The following RIC3 variants were observed in gnomAD, a reference collection of about 807,000 sequenced individuals.
RIC3 encodes RIC3 acetylcholine receptor chaperone, also known as protein RIC-3.
RIC3 carries 28 observed loss-of-function variants against 27.3 expected under a neutral mutation model. The ratio of observed to expected loss-of-function variants is 1.02; its 90% CI spans 0.76 to 1.41. The LOEUF is 1.41. Ranked by LOEUF, RIC3 falls within the 40% of genes most tolerant of loss-of-function variation. The pLI is 0.00. For missense variants in RIC3, 501 were observed against 444.7 expected (o/e 1.13, Z -1.14); for synonymous variants, 184 against 160.4 (o/e 1.15, Z -1.11).
At chr11:8,146,378 C>T (rs913653111) in intron 1 of RIC3, among the ~76,000 whole-genome samples, 1 of 152,146 alleles carries the variant, frequency 6.6e-6, no homozygotes, top group African/African-American at 2.4e-5. Flanking sequence ...AACATAAACA[C>T]ATCAGAGTAG....
intron 1 of RIC3, among the ~76,000 whole-genome samples, chr11:8,145,541 A>C (rs1186694056): frequency 2.0e-5 from 3 of 152,312 alleles, no homozygotes; most frequent in Admixed American, 2.0e-4. Context: ...ATCTCTTTCC[A>C]ATCAGCTATA....
the RIC3 span, chr11:8,095,348 G>A: frequency 6.9e-6 from 5 of 723,406 alleles, no homozygotes; most frequent in African/African-American, 8.9e-5. Context: ...ACAGGCTGGT[G>A]CAATCATTAG....
chr11:8,153,257 A>T, intron 1 of RIC3: 1 of 327,396 alleles, frequency 3.1e-6, no homozygotes, highest in Non-Finnish European at 5.9e-6. Context: ...TGAGCACTTA[A>T]CAATGTGACA....
At chr11:8,117,659 G>T (rs564911413) in intron 5 of RIC3, among the ~76,000 whole-genome samples, 2 of 152,260 alleles carry the variant, frequency 1.3e-5, no homozygotes, top group African/African-American at 4.8e-5. Context: ...ACAGTATGTT[G>T]TATATTTGAA....
intron 1 of RIC3, among the ~76,000 whole-genome samples, chr11:8,167,023 T>G (rs1167559819): frequency 6.6e-6 from 1 of 152,184 alleles, no homozygotes; most frequent in Admixed American, 6.5e-5. Context: ...ATGGTTAAGA[T>G]TTTTTGCTGC....
intron 4 of RIC3, among the ~76,000 whole-genome samples, chr11:8,127,257 T>C (rs973477422): frequency 2.6e-5 from 4 of 152,232 alleles, no homozygotes; most frequent in African/African-American, 9.6e-5. Context: ...GGAAAATTTA[T>C]GCTACTAGAA....
the RIC3 span, chr11:8,097,620 C>T: frequency 7.5e-7 from 1 of 1,327,514 alleles, no homozygotes; most frequent in East Asian, 2.3e-5. Flanking sequence ...CGTTTGGGAG[C>T]TGACGCAACG....
In RIC3 at chr11:8,106,069, G is replaced by GCTTTTATTGA. The variant is rs1944596700; in HGVS notation, c.*4619_*4628dup. On this transcript the variant is annotated 3_prime_UTR_variant, in exon 6 of 6. Coordinates refer to ENST00000309737, the MANE Select transcript of RIC3 (RefSeq NM_001206671.4). ...GTTTTAGACAAATTTGCAAAACTGT[G>GCTTTTATTGA]CTTTTATTGACTTTTTGAATAAACT... 6.6e-6 allele frequency: 1 copy of GCTTTTATTGA among 152,148 alleles called. No homozygotes were observed. Among genetic ancestry groups the GCTTTTATTGA allele is most frequent in the Non-Finnish European group, 1.5e-5 (1 of 68,028 alleles). The allele number at this position is 152,148 out of a possible 1,614,324, so 9.4% of individuals were successfully genotyped here.
At chr11:8,155,682 A>G (rs888322644) in intron 1 of RIC3, among the ~76,000 whole-genome samples, 4 of 152,198 alleles carry the variant, frequency 2.6e-5, no homozygotes, top group African/African-American at 7.2e-5. Flanking sequence ...ACTGTTAACA[A>G]AAGAGTTTTC....
chr11:8,149,642 A>G (rs1590319276), intron 1 of RIC3, among the ~76,000 whole-genome samples: 1 of 152,224 alleles, frequency 6.6e-6, no homozygotes, highest in East Asian at 1.9e-4. Flanking sequence ...GGATAGGTCT[A>G]TAAACTAAAA....
the RIC3 span, chr11:8,095,453 C>T: frequency 9.6e-6 from 15 of 1,564,194 alleles, no homozygotes; most frequent in East Asian, 3.4e-4. Flanking sequence ...CCAGGCCCTC[C>T]TCTCCTCCTC....
chr11:8,134,607 C>T (rs1361400877), intron 4 of RIC3, among the ~76,000 whole-genome samples: 2 of 152,170 alleles, frequency 1.3e-5, no homozygotes, highest in African/African-American at 4.8e-5. Context: ...TTTATAGTCC[C>T]ATCAACAGTG....
chr11:8,107,657 G>A lies in RIC3; in HGVS notation c.*3041C>T, dbSNP rs1406093. On this transcript the variant is annotated 3_prime_UTR_variant, in exon 6 of 6. Transcript: ENST00000309737. ...CAAATACACCTCCACTCCTCATCAC[G>A]ACTCCCTGGGCCCAGCTTCTGGAGC... 0.13 allele frequency: 19,298 copies of A among 152,124 alleles called. 1,492 individuals carry two copies. The highest frequency in any genetic ancestry group is 0.21 in the African/African-American group (8,649 of 41,444). The allele number at this position is 152,124 out of a possible 1,614,324, so 9.4% of individuals were successfully genotyped here.
the RIC3 span, among the ~76,000 whole-genome samples, chr11:8,097,063 C>A: frequency 6.6e-6 from 1 of 152,112 alleles, no homozygotes; most frequent in Non-Finnish European, 1.5e-5. Context: ...GAGGGCAGGG[C>A]TGGGAAGATA....
chr11:8,101,019 CATT>C, the RIC3 span: 1 of 1,613,644 alleles, frequency 6.2e-7, no homozygotes, highest in Non-Finnish European at 8.5e-7. Context: ...TGTCCCTACT[CATT>C]ATGGTCCGTA....
chr11:8,126,067 A>C (rs1946959496), intron 5 of RIC3, among the ~76,000 whole-genome samples: 2 of 152,138 alleles, frequency 1.3e-5, no homozygotes, highest in Non-Finnish European at 2.9e-5. Context: ...ATATACAATT[A>C]CCTTAAACCC....
At chr11:8,131,201 C>G (rs968671301) in intron 4 of RIC3, among the ~76,000 whole-genome samples, 76 of 152,176 alleles carry the variant, frequency 5.0e-4, no homozygotes, top group Admixed American at 5.0e-3. Context: ...CTAAGCTCTA[C>G]AGCTAAGAAG....
intron 1 of RIC3, among the ~76,000 whole-genome samples, chr11:8,161,691 G>A (rs1465588891): frequency 6.6e-6 from 1 of 152,208 alleles, no homozygotes; most frequent in Non-Finnish European, 1.5e-5. Context: ...GCTGGAAGGT[G>A]AGAGTGATGG....
chr11:8,100,651 C>T, the RIC3 span: 1 of 1,580,688 alleles, frequency 6.3e-7, no homozygotes, highest in South Asian at 1.1e-5. Context: ...CTAGTCTCTG[C>T]ATGAGCTTCT....
Sources: allele counts gnomAD v4.1 joint callset (sites outside exome capture counted in the v4.1 genomes callset), GRCh38; gene constraint gnomAD v4.1.1; transcripts MANE v1.5; gene names NCBI Gene and HGNC (gene_info 2026-07-23, HGNC 2026-07-21).